KIAA1217: variants seen among roughly 807,000 people sequenced by gnomAD.
KIAA1217 encodes the protein KIAA1217.
In KIAA1217, 88 loss-of-function variants were observed where a neutral mutation model predicts 163.9. The ratio of observed to expected loss-of-function variants is 0.54; its 90% confidence interval spans 0.45 to 0.64. KIAA1217 has a LOEUF of 0.64. KIAA1217 is among the 30% of genes least tolerant of loss of function. The pLI, the probability that KIAA1217 is intolerant of heterozygous loss-of-function variation, is 0.00. For missense variants in KIAA1217, 2,372 were observed against 2,475.0 expected (o/e 0.96, Z 0.88); for synonymous variants, 903 against 923.1 (o/e 0.98, Z 0.39).
At chr10:23,953,302 A>T (rs7089002) in intron 1 of KIAA1217, among the ~76,000 whole-genome samples, 2,937 of 152,332 alleles carry the variant, frequency 0.019, 79 homozygotes, top group Admixed American at 0.068. Flanking sequence ...GTAAAAACTG[A>T]TGCAAGTCAA....
At chr10:23,849,243 G>A (rs188534132) in intron 1 of KIAA1217, among the ~76,000 whole-genome samples, 75 of 152,106 alleles carry the variant, frequency 4.9e-4, no homozygotes, top group Non-Finnish European at 8.7e-4. Context: ...CTAAATCCAG[G>A]GACTAATGTT....
At chr10:23,997,545 G>C (rs1406453432) in intron 1 of KIAA1217, among the ~76,000 whole-genome samples, 1 of 152,148 alleles carries the variant, frequency 6.6e-6, no homozygotes, top group East Asian at 1.9e-4. Context: ...GTGGTAGGTA[G>C]CTATAGGAAG....
chr10:24,109,077 C>T (rs1220681011), intron 2 of KIAA1217, among the ~76,000 whole-genome samples: 3 of 152,160 alleles, frequency 2.0e-5, no homozygotes, highest in Admixed American at 6.5e-5. Flanking sequence ...AGTGATCCAA[C>T]GCCTCAGGCT....
At chr10:24,222,247 G>T (rs1362763263) in intron 2 of KIAA1217, among the ~76,000 whole-genome samples, 3 of 152,144 alleles carry the variant, frequency 2.0e-5, no homozygotes, top group Non-Finnish European at 4.4e-5. Context: ...TGCCATGGCT[G>T]GCCAGCTGTC....
chr10:24,168,934 G>C (rs375409110), intron 2 of KIAA1217, among the ~76,000 whole-genome samples: 18 of 152,268 alleles, frequency 1.2e-4, no homozygotes, highest in African/African-American at 4.3e-4. Flanking sequence ...TTCACTCTTA[G>C]GTGTGCTTGC....
Position 23,910,937 on chromosome 10 carries a change from G to A in KIAA1217, c.-320-96288G>A, listed in dbSNP as rs540819551. ...ACTGATCTGCACCCATTCAGGAGTA[G>A]AGTCAGCAATGGCCATACCCTGGAA... is the stretch of plus-strand genomic sequence containing the variant. On this transcript the variant is annotated intron_variant, in intron 1 of 18. Transcript: ENST00000376462. Among the ~76,000 whole-genome samples the A allele has an allele frequency of 3.9e-5, 6 of 152,270 alleles. No individual in the cohort carries two copies. In the South Asian group the frequency reaches 1.2e-3, roughly 32 times the overall value.
At chr10:24,545,552 C>A in intron 20 of KIAA1217, 1 of 1,339,332 alleles carries the variant, frequency 7.5e-7, no homozygotes, top group Non-Finnish European at 9.5e-7. Flanking sequence ...ACGCATGGCC[C>A]ACCTGGCACA....
At chr10:24,309,703 C>T (rs1226471271) in intron 2 of KIAA1217, among the ~76,000 whole-genome samples, 1 of 152,118 alleles carries the variant, frequency 6.6e-6, no homozygotes, top group Non-Finnish European at 1.5e-5. Flanking sequence ...CCTCTGGTTC[C>T]CTCCTTCCTC....
At chr10:24,248,392 C>T (rs897220737) in intron 2 of KIAA1217, among the ~76,000 whole-genome samples, 7 of 152,024 alleles carry the variant, frequency 4.6e-5, no homozygotes, top group African/African-American at 9.7e-5. Flanking sequence ...TCCTTTAGGC[C>T]GGGCGCAGTG....
intron 2 of KIAA1217, among the ~76,000 whole-genome samples, chr10:24,335,066 T>G (rs1393468242): frequency 2.0e-5 from 3 of 152,064 alleles, no homozygotes; most frequent in Non-Finnish European, 2.9e-5. Flanking sequence ...ATACACACAA[T>G]GAGATCTATC....
At chr10:24,151,103 G>A (rs2064591161) in intron 2 of KIAA1217, among the ~76,000 whole-genome samples, 1 of 152,064 alleles carries the variant, frequency 6.6e-6, no homozygotes, top group Non-Finnish European at 1.5e-5. Context: ...GGGAAGGATA[G>A]TAGAGTCAGG....
At chr10:23,884,127 G>C (rs905049995) in intron 1 of KIAA1217, among the ~76,000 whole-genome samples, 1 of 151,870 alleles carries the variant, frequency 6.6e-6, no homozygotes, top group Non-Finnish European at 1.5e-5. Flanking sequence ...TAAATGCCAA[G>C]GAATGTAATT....
intron 2 of KIAA1217, among the ~76,000 whole-genome samples, chr10:24,081,619 G>A (rs551091019): frequency 2.6e-5 from 4 of 152,152 alleles, no homozygotes; most frequent in East Asian, 1.9e-4. Context: ...TAAAACAGAG[G>A]TGTCCAATCT....
chr10:24,449,994 C>T (rs952320406), intron 5 of KIAA1217, among the ~76,000 whole-genome samples: 1 of 152,182 alleles, frequency 6.6e-6, no homozygotes, highest in African/African-American at 2.4e-5. Flanking sequence ...GGCTGGTCTT[C>T]AATCTATAAA....
At chr10:23,743,798 G>T (rs1464565501) in intron 1 of KIAA1217, among the ~76,000 whole-genome samples, 1 of 152,034 alleles carries the variant, frequency 6.6e-6, no homozygotes, top group Non-Finnish European at 1.5e-5. Flanking sequence ...AATTTGCACT[G>T]TCTCATAGTT....
intron 2 of KIAA1217, among the ~76,000 whole-genome samples, chr10:24,088,892 C>T (rs1393968738): frequency 8.0e-6 from 1 of 124,714 alleles, no homozygotes; most frequent in African/African-American, 2.5e-5. Flanking sequence ...AATGGTTGAA[C>T]TAGTTTACAG....
intron 1 of KIAA1217, among the ~76,000 whole-genome samples, chr10:23,967,669 G>A (rs1333489084): frequency 6.6e-6 from 1 of 152,070 alleles, no homozygotes; most frequent in Non-Finnish European, 1.5e-5. Context: ...AGGACAATTT[G>A]ACACTATTAT....
chr10:24,405,928 G>T (rs1433144223), intron 3 of KIAA1217, among the ~76,000 whole-genome samples: 1 of 152,174 alleles, frequency 6.6e-6, no homozygotes, highest in Admixed American at 6.5e-5. Flanking sequence ...TTTTGAAGGT[G>T]AAGTAGTCTT....
chr10:24,281,778 C>T lies in KIAA1217; in HGVS notation c.354+61869C>T, dbSNP rs368419837. On this transcript the variant is annotated intron_variant, in intron 2 of 20. Transcript: ENST00000376454. ...ATATCATATCAAGAGTAACAATAATCGGCCGGGCTCGGTGGCTCACGCCTG... is the reference window on the plus strand; with the variant it reads ...ATATCATATCAAGAGTAACAATAATTGGCCGGGCTCGGTGGCTCACGCCTG... 4.6e-5 allele frequency among the ~76,000 whole-genome samples: 7 copies of T among 151,878 alleles called. No individual in the cohort carries two copies. The South Asian group carries it at 8.3e-4, about 18-fold the overall frequency.
Sources: gnomAD v4.1 joint callset for allele counts (sites outside exome capture counted in the v4.1 genomes callset) on GRCh38, gnomAD v4.1.1 for gene constraint, MANE v1.5 for transcripts, NCBI Gene and HGNC (gene_info 2026-07-23, HGNC 2026-07-21) for gene names.